CNTN1: variants seen among roughly 807,000 people sequenced by gnomAD.
CNTN1 encodes contactin 1, also known as contactin-1.
Under a neutral mutation model 126.4 loss-of-function variants are expected in CNTN1, and 38 were observed. That is an observed-to-expected ratio of 0.30 (90% CI 0.23 to 0.39). The LOEUF (loss-of-function observed/expected upper bound fraction) is 0.39, where lower values mean the gene tolerates loss of function less well. Among genes scored for constraint, CNTN1 ranks in the 10% least tolerant of loss-of-function variants. The pLI is 1.00. For missense variants in CNTN1, 1,009 were observed against 1,248.4 expected (o/e 0.81, Z 2.89); for synonymous variants, 413 against 422.6 (o/e 0.98, Z 0.28).
At chr12:40,948,367 A>T (rs542042791) in intron 14 of CNTN1, among the ~76,000 whole-genome samples, 1 of 150,788 alleles carries the variant, frequency 6.6e-6, no homozygotes, top group South Asian at 2.1e-4. Flanking sequence ...AAAAAAAAAA[A>T]TCTGGGTATT....
chr12:40,945,503 A>T (rs909953095), intron 14 of CNTN1, among the ~76,000 whole-genome samples: 3 of 152,066 alleles, frequency 2.0e-5, no homozygotes, highest in African/African-American at 7.2e-5. Context: ...AAGTTCCACA[A>T]CCATAGTTTA....
Position 40,852,158 on chromosome 12 carries a change from T to C in CNTN1, c.-76-56199T>C, listed in dbSNP as rs571610087. On this transcript the variant is annotated intron_variant, in intron 1 of 23. Transcript: ENST00000551295. Reference sequence around the variant, plus strand: ...TCAGCAGAGAGGCCTTCAGCTACAGTGGCTTTCAGCTTCATGGAAAAAAGA... The same window carrying C: ...TCAGCAGAGAGGCCTTCAGCTACAGCGGCTTTCAGCTTCATGGAAAAAAGA... 4.6e-5 allele frequency among the ~76,000 whole-genome samples: 7 copies of C among 152,258 alleles called. No individual in the cohort carries two copies. The South Asian group carries it at 1.5e-3, about 32-fold the overall frequency.
At chr12:40,966,619 ATTAC>A (rs1294575278) in intron 15 of CNTN1, among the ~76,000 whole-genome samples, 1 of 152,158 alleles carries the variant, frequency 6.6e-6, no homozygotes, top group African/African-American at 2.4e-5. Context: ...AGCTTTCCCA[ATTAC>A]TTCTGGAATT....
intron 1 of CNTN1, among the ~76,000 whole-genome samples, chr12:40,776,291 G>C (rs1372718849): frequency 6.6e-6 from 1 of 151,664 alleles, no homozygotes; most frequent in Non-Finnish European, 1.5e-5. Context: ...TAAGATAAAA[G>C]TAAAGCCTTT....
intron 14 of CNTN1, among the ~76,000 whole-genome samples, chr12:40,952,851 T>A (rs1381555810): frequency 6.6e-6 from 1 of 152,162 alleles, no homozygotes; most frequent in African/African-American, 2.4e-5. Context: ...GGATATAGCA[T>A]ATATCAGACA....
At position 41,046,951 on chromosome 12, in the gene CNTN1, A is replaced by G. The variant is rs189972942; in HGVS notation, c.2980+17732A>G. Among the ~76,000 whole-genome samples, 8 of 145,988 alleles carry G rather than the reference A, an allele frequency of 5.5e-5. No homozygotes were observed. The East Asian group carries it at 6.1e-4, about 11-fold the overall frequency. On this transcript the variant is annotated intron_variant, in intron 23 of 23. Coordinates refer to ENST00000551295, the MANE Select transcript of CNTN1 (RefSeq NM_001843.4). ...GGTTCATATTGAAAACAACTGCCCT[A>G]TATACCTTGTCCCTTTCCCTCTTTA...
intron 1 of CNTN1, among the ~76,000 whole-genome samples, chr12:40,699,565 C>T (rs1032826506): frequency 1.3e-5 from 2 of 151,886 alleles, no homozygotes; most frequent in African/African-American, 4.8e-5. Context: ...TGGATAATGT[C>T]GATGTATAAA....
chr12:40,849,828 T>A (rs1942653014), intron 1 of CNTN1, among the ~76,000 whole-genome samples: 2 of 152,038 alleles, frequency 1.3e-5, no homozygotes, highest in Non-Finnish European at 2.9e-5. Flanking sequence ...ACTCTTTTTT[T>A]AAAGCCTGTG....
At chr12:40,998,048 T>C (rs1948263861) in intron 17 of CNTN1, among the ~76,000 whole-genome samples, 8 of 152,008 alleles carry the variant, frequency 5.3e-5, no homozygotes, top group African/African-American at 1.4e-4. Flanking sequence ...ATTGGGGCTA[T>C]TGGAAGTTAA....
chr12:40,810,733 T>C lies in CNTN1; in HGVS notation c.-76-97624T>C, dbSNP rs148698767. ...GACAGGATTTCCTTCCTTTTAAAAA[T>C]TGAGCTGGAATAGTGGCTCATGCCT... is the stretch of plus-strand genomic sequence containing the variant. On this transcript the variant is annotated intron_variant, in intron 1 of 23. Coordinates refer to ENST00000551295, the MANE Select transcript of CNTN1 (RefSeq NM_001843.4). 4.3e-4 allele frequency among the ~76,000 whole-genome samples: 66 copies of C among 152,294 alleles called. No homozygotes were observed. The East Asian group carries it at 6.4e-3, about 15-fold the overall frequency.
intron 23 of CNTN1, among the ~76,000 whole-genome samples, chr12:41,045,122 T>C (rs1237565419): frequency 6.6e-6 from 1 of 152,080 alleles, no homozygotes; most frequent in Non-Finnish European, 1.5e-5. Context: ...TACACTCAAG[T>C]GGATTGAAAA....
chr12:40,839,580 T>G (rs1248755943), intron 1 of CNTN1, among the ~76,000 whole-genome samples: 1 of 152,180 alleles, frequency 6.6e-6, no homozygotes, highest in Admixed American at 6.5e-5. Flanking sequence ...AAAAGCAGAT[T>G]TGTCAGTTGA....
intron 18 of CNTN1, among the ~76,000 whole-genome samples, chr12:41,016,315 G>A (rs189005728): frequency 6.6e-6 from 1 of 152,258 alleles, no homozygotes; most frequent in East Asian, 1.9e-4. Context: ...GCATTGTGTT[G>A]GAGTCTTGCA....
intron 14 of CNTN1, among the ~76,000 whole-genome samples, chr12:40,952,629 T>C (rs1377086538): frequency 6.6e-6 from 1 of 152,116 alleles, no homozygotes; most frequent in African/African-American, 2.4e-5. Flanking sequence ...AAATAGTACG[T>C]ATCTCATAGG....
chr12:40,777,889 G>A (rs1447285807), intron 1 of CNTN1, among the ~76,000 whole-genome samples: 1 of 151,766 alleles, frequency 6.6e-6, no homozygotes, highest in Non-Finnish European at 1.5e-5. Context: ...ATGGAAATAT[G>A]TATAAGTAAT....
chr12:40,825,202 T>C (rs1309570897), intron 1 of CNTN1, among the ~76,000 whole-genome samples: 1 of 152,180 alleles, frequency 6.6e-6, no homozygotes, highest in Non-Finnish European at 1.5e-5. Context: ...GTAGAAAGCA[T>C]GCCTTAAATC....
intron 17 of CNTN1, among the ~76,000 whole-genome samples, chr12:41,009,499 T>G (rs1482339693): frequency 6.6e-6 from 1 of 152,188 alleles, no homozygotes; most frequent in Non-Finnish European, 1.5e-5. Context: ...TCCACAGACC[T>G]GTGTTAAAAC....
At chr12:40,992,582 A>G (rs1948119992) in intron 16 of CNTN1, among the ~76,000 whole-genome samples, 1 of 152,068 alleles carries the variant, frequency 6.6e-6, no homozygotes, top group Non-Finnish European at 1.5e-5. Context: ...TACTTAACAA[A>G]TCTTAATAAA....
intron 23 of CNTN1, among the ~76,000 whole-genome samples, chr12:41,043,993 C>G (rs1949484252): frequency 1.1e-5 from 1 of 93,212 alleles, no homozygotes; most frequent in Non-Finnish European, 1.9e-5. Flanking sequence ...ACTCTGGGGA[C>G]TGTTGTGGGG....
Sources: allele counts gnomAD v4.1 joint callset (sites outside exome capture counted in the v4.1 genomes callset), GRCh38; gene constraint gnomAD v4.1.1; transcripts MANE v1.5; gene names NCBI Gene and HGNC (gene_info 2026-07-23, HGNC 2026-07-21).